The following CACNA1E variants were observed in gnomAD, a reference collection of about 807,000 sequenced individuals.
CACNA1E encodes the protein voltage-dependent R-type calcium channel subunit alpha-1E.
In CACNA1E, 40 loss-of-function variants were observed where a neutral mutation model predicts 259.2. The observed-to-expected ratio is 0.15, with a 90% CI of 0.12 to 0.20. The LOEUF (loss-of-function observed/expected upper bound fraction) is 0.20, where lower values mean the gene tolerates loss of function less well. CACNA1E is among the 10% of genes least tolerant of loss of function. The pLI is 1.00. For missense variants in CACNA1E, 1,874 were observed against 3,040.1 expected (o/e 0.62, Z 9.02); for synonymous variants, 1,104 against 1,138.5 (o/e 0.97, Z 0.61).
chr1:181,500,472 T>C (rs1260864143), intron 1 of CACNA1E, among the ~76,000 whole-genome samples: 2 of 152,242 alleles, frequency 1.3e-5, no homozygotes, highest in Non-Finnish European at 2.9e-5. Flanking sequence ...ATTGGGGCTT[T>C]TCCCCCGAAG....
intron 7 of CACNA1E, among the ~76,000 whole-genome samples, chr1:181,709,580 A>C (rs1356712999): frequency 1.3e-5 from 2 of 152,166 alleles, no homozygotes; most frequent in African/African-American, 4.8e-5. Context: ...TAGACATGAC[A>C]GAGAAACTGG....
At chr1:181,322,443 C>A (rs141139840) in intron 1 of CACNA1E, among the ~76,000 whole-genome samples, 2 of 152,222 alleles carry the variant, frequency 1.3e-5, no homozygotes, top group African/African-American at 4.8e-5. Context: ...ACCAAAAAGC[C>A]CCTTGCAAAA....
At chr1:181,389,226 A>G (rs1398445658) in intron 1 of CACNA1E, among the ~76,000 whole-genome samples, 2 of 152,226 alleles carry the variant, frequency 1.3e-5, no homozygotes, top group East Asian at 1.9e-4. Flanking sequence ...GACAGCACTC[A>G]GTACTATGTT....
At chr1:181,647,636 C>T (rs778311535) in intron 6 of CACNA1E, among the ~76,000 whole-genome samples, 6 of 152,272 alleles carry the variant, frequency 3.9e-5, no homozygotes, top group South Asian at 2.1e-4. Flanking sequence ...TCTCAAAGGA[C>T]GCTTGAGTCA....
intron 1 of CACNA1E, among the ~76,000 whole-genome samples, chr1:181,358,777 G>A (rs1313755401): frequency 6.6e-6 from 1 of 152,150 alleles, no homozygotes; most frequent in Non-Finnish European, 1.5e-5. Context: ...TCCCTCAGAA[G>A]TACACCCAGC....
At chr1:181,747,265 G>A in intron 25 of CACNA1E, among the ~76,000 whole-genome samples, 1 of 152,246 alleles carries the variant, frequency 6.6e-6, no homozygotes, top group Non-Finnish European at 1.5e-5. Flanking sequence ...CTGCCCTCAT[G>A]GGAGGAGAAT....
At position 181,763,496 on chromosome 1, in the gene CACNA1E, C is replaced by T. The variant is rs1375830903; in HGVS notation, c.4780C>T (p.Arg1594Cys). 1 of 1,595,260 alleles carries T rather than the reference C, an allele frequency of 6.3e-7. No individual in the cohort carries two copies. The highest frequency in any genetic ancestry group is 8.6e-7 in the Non-Finnish European group (1 of 1,165,038). Residue 1594 changes from arginine to cysteine, a missense_variant, in exon 34 of 48, where the codon CGC (arginine) becomes TGC (cysteine). By Grantham distance (180) the Arg-to-Cys change is radical. Coordinates refer to ENST00000367573, the MANE Select transcript of CACNA1E (RefSeq NM_001205293.3). ...IKLLRQGYTI[R>C]ILLWTFVQSF... ...GCTCCTGCGTCAGGGCTATACCATA[C>T]GCATTTTGCTGTGGACCTTTGTGCA...
rs547288489 is a variant in CACNA1E at position 181,722,788 on chromosome 1, A to G, written c.2074+913A>G. ...ACGCAGGTGTATTTTTGCATTTTCCATAGTTTCATAGAGAAGACATGCTGT... is the reference window on the plus strand; with the variant it reads ...ACGCAGGTGTATTTTTGCATTTTCCGTAGTTTCATAGAGAAGACATGCTGT... On this transcript the variant is annotated intron_variant, in intron 16 of 47. Transcript: ENST00000367573. Among the ~76,000 whole-genome samples the G allele has an allele frequency of 9.8e-5, 15 of 152,322 alleles. No individual in the cohort carries two copies. In the East Asian group the frequency reaches 1.7e-3, roughly 18 times the overall value.
At chr1:181,404,002 A>T (rs1657287523) in intron 1 of CACNA1E, among the ~76,000 whole-genome samples, 2 of 152,146 alleles carry the variant, frequency 1.3e-5, no homozygotes, top group Non-Finnish European at 2.9e-5. Context: ...CTTCCCTTAA[A>T]AGCTGGGAGA....
rs781239205 is a variant in CACNA1E, at chr1:181,752,251, A to G, written c.3828+12A>G. 3.1e-6 allele frequency: 5 copies of G among 1,596,142 alleles called. No individual in the cohort carries two copies. The East Asian group carries it at 8.9e-5, about 28-fold the overall frequency. The stretch of plus-strand genomic sequence containing the variant: ...TGCCCAAGCTCAAGGTAGTGTTTAC[A>G]GAGTTTGTTCCCATCAAATCCCCTT... On this transcript the variant is annotated intron_variant, in intron 27 of 47. Transcript: ENST00000367573.
intron 7 of CACNA1E, chr1:181,668,782 C>T (rs1648507243): frequency 6.6e-6 from 1 of 152,114 alleles, no homozygotes; most frequent in Admixed American, 6.5e-5. Flanking sequence ...GTAATCCCAG[C>T]ACTTTGAGAG....
intron 1 of CACNA1E, among the ~76,000 whole-genome samples, chr1:181,349,240 G>A (rs560929432): frequency 6.6e-6 from 1 of 152,314 alleles, no homozygotes; most frequent in African/African-American, 2.4e-5. Context: ...AGAAACACAG[G>A]TCCCCTGTGG....
At chr1:181,677,477 T>C (rs1257471030) in intron 7 of CACNA1E, among the ~76,000 whole-genome samples, 3 of 152,202 alleles carry the variant, frequency 2.0e-5, no homozygotes, top group Non-Finnish European at 4.4e-5. Context: ...TTCTAGCACC[T>C]TAGATATTTA....
chr1:181,719,970 C>T, intron 13 of CACNA1E, 107 bp downstream of exon 13: 2 of 759,144 alleles, frequency 2.6e-6, no homozygotes, highest in Non-Finnish European at 4.2e-6. Context: ...GGAAAGTATC[C>T]CTTCCCTGCC....
At chr1:181,535,564 A>G (rs1399683706) in intron 3 of CACNA1E, among the ~76,000 whole-genome samples, 1 of 152,228 alleles carries the variant, frequency 6.6e-6, no homozygotes, top group Admixed American at 6.5e-5. Context: ...ACACACACAT[A>G]CATACATATG....
chr1:181,366,991 G>T (rs2609474), intron 1 of CACNA1E, among the ~76,000 whole-genome samples: 80,591 of 152,034 alleles, frequency 0.53, 22,723 homozygotes, highest in African/African-American at 0.74. Context: ...TTGTGATTCT[G>T]TGTCTGTGGT....
chr1:181,579,048 G>A, intron 4 of CACNA1E, 24 bp from the exon 5 acceptor site: 1 of 1,582,848 alleles, frequency 6.3e-7, no homozygotes, highest in Non-Finnish European at 8.6e-7. Context: ...AGCTGCATTG[G>A]TCATTCTCTG....
At chr1:181,750,978 G>A (rs908884502) in intron 26 of CACNA1E, among the ~76,000 whole-genome samples, 6 of 152,054 alleles carry the variant, frequency 3.9e-5, no homozygotes, top group African/African-American at 1.5e-4. Context: ...TCCCTGTCAG[G>A]GGGGTGGGGT....
At chr1:181,640,376 G>A (rs1276745802) in intron 6 of CACNA1E, among the ~76,000 whole-genome samples, 1 of 152,146 alleles carries the variant, frequency 6.6e-6, no homozygotes, top group Non-Finnish European at 1.5e-5. Context: ...GCTGTCTTGG[G>A]TTCTGGAGAT....
Sources: gnomAD v4.1 joint callset for allele counts (sites outside exome capture counted in the v4.1 genomes callset) on GRCh38, gnomAD v4.1.1 for gene constraint, MANE v1.5 for transcripts, NCBI Gene and HGNC (gene_info 2026-07-23, HGNC 2026-07-21) for gene names.